Variants in PLA2G6 observed in about 807,000 individuals in gnomAD.
The protein encoded by PLA2G6 is phospholipase A2 group VI, also known as 85/88 kDa calcium-independent phospholipase A2.
Under a neutral mutation model 83.8 loss-of-function variants are expected in PLA2G6, and 62 were observed. The ratio of observed to expected loss-of-function variants is 0.74; its 90% CI spans 0.60 to 0.91. PLA2G6 has a LOEUF of 0.91. Ranked by LOEUF, PLA2G6 falls within the 40% of genes least tolerant of loss-of-function variation. PLA2G6 has a pLI of 0.00. For missense variants in PLA2G6, 944 were observed against 1,102.0 expected, an observed-to-expected ratio of 0.86 and a Z score of 2.03; for synonymous variants, 417 against 449.8, an observed-to-expected ratio of 0.93 and a Z score of 0.92.
chr22:38,164,902 A>C (rs1310527265), intron 2 of PLA2G6, among the ~76,000 whole-genome samples: 6 of 151,946 alleles, frequency 3.9e-5, no homozygotes, highest in Non-Finnish European at 8.8e-5. Context: ...GAGCTGGGAG[A>C]ACACTGCAAT....
intron 2 of PLA2G6, 89 bp downstream of exon 2, chr22:38,169,129 A>G (rs901992867): frequency 2.0e-5 from 21 of 1,046,144 alleles, no homozygotes; most frequent in African/African-American, 4.7e-5. Flanking sequence ...CAGAGACTCA[A>G]AGAAACTGCT....
At chr22:38,115,913 C>A (rs112240186) in intron 13 of PLA2G6, 162 bp downstream of exon 13, 264 of 1,461,544 alleles carry the variant, frequency 1.8e-4, no homozygotes, top group Non-Finnish European at 2.2e-4. Flanking sequence ...AGGGGCCTGA[C>A]AGCTCCCCCG....
At position 38,118,858 on chromosome 22, in the gene PLA2G6, A is replaced by T. The variant is rs1463709627; in HGVS notation, c.1742+1901T>A. 4.6e-5 allele frequency among the ~76,000 whole-genome samples: 7 copies of T among 150,640 alleles called. No homozygotes were observed. The East Asian group carries it at 1.4e-3, about 29-fold the overall frequency. On this transcript the variant is annotated intron_variant, in intron 12 of 16. Coordinates refer to ENST00000332509, the MANE Select transcript of PLA2G6 (RefSeq NM_003560.4). ...AGCCTCAGCCTCCGGGGCTCAAGTG[A>T]TCCTCCCACCTCAGCCTCTCAATTA...
chr22:38,124,625 G>A (rs2087725614), intron 10 of PLA2G6, among the ~76,000 whole-genome samples: 1 of 152,118 alleles, frequency 6.6e-6, no homozygotes, highest in Admixed American at 6.5e-5. Context: ...CCTGGTGGAG[G>A]CTGCTTCCAT....
chr22:38,159,325 C>T (rs1380141488), intron 2 of PLA2G6, among the ~76,000 whole-genome samples: 1 of 152,168 alleles, frequency 6.6e-6, no homozygotes, highest in African/African-American at 2.4e-5. Flanking sequence ...AGATGAAAAT[C>T]TCATAGTCCT....
chr22:38,125,676 G>A (rs1398678452), intron 10 of PLA2G6: 2 of 470,712 alleles, frequency 4.2e-6, no homozygotes, highest in South Asian at 3.1e-5. Flanking sequence ...ACCTCTCAGG[G>A]GCTCAGGTTC....
intron 7 of PLA2G6, chr22:38,131,417 T>C (rs1409927040): frequency 6.6e-6 from 1 of 152,186 alleles, no homozygotes; most frequent in Non-Finnish European, 1.5e-5. Flanking sequence ...AATGAATTAA[T>C]ATTTTGAAAT....
intron 2 of PLA2G6, among the ~76,000 whole-genome samples, chr22:38,155,329 T>G (rs1026472098): frequency 6.6e-6 from 1 of 151,816 alleles, no homozygotes; most frequent in African/African-American, 2.4e-5. Context: ...GAAAAGGACA[T>G]TAATGAGCAA....
intron 2 of PLA2G6, among the ~76,000 whole-genome samples, chr22:38,163,153 C>T (rs1344693822): frequency 3.0e-4 from 45 of 152,314 alleles, no homozygotes; most frequent in Non-Finnish European, 5.9e-5. Context: ...CACGCTAGAG[C>T]AGTACCTGAG....
chr22:38,138,222 C>T (rs1260529161), intron 5 of PLA2G6: 2 of 152,636 alleles, frequency 1.3e-5, no homozygotes, highest in Non-Finnish European at 2.9e-5. Flanking sequence ...AAGAGCATCA[C>T]CTGGTGTCCA....
intron 2 of PLA2G6, among the ~76,000 whole-genome samples, chr22:38,158,466 C>A (rs2089881103): frequency 6.6e-6 from 1 of 152,194 alleles, no homozygotes; most frequent in Non-Finnish European, 1.5e-5. Context: ...CCACTGCAAC[C>A]CGCCACGTCA....
rs758024229 is a variant in PLA2G6, at chr22:38,143,101, T to C, written c.609+4A>G. 4 of 1,613,856 alleles carry C rather than the reference T, an allele frequency of 2.5e-6. No individual in the cohort carries two copies. In the African/African-American group the frequency reaches 5.3e-5, roughly 22 times the overall value. The stretch of plus-strand genomic sequence containing the variant: ...CCAGTCACCCTGCCCCTCCCCCTGC[T>C]CACCTGCAGCACCTGAGAATTGTCA... On this transcript the variant is annotated splice_donor_region_variant and intron_variant, in intron 4 of 16. Transcript: ENST00000332509.
chr22:38,140,696 C>G (rs1252738468), intron 4 of PLA2G6: 1 of 164,850 alleles, frequency 6.1e-6, no homozygotes, highest in East Asian at 1.7e-4. Context: ...TCATTCTGTC[C>G]TGACTGATTT....
chr22:38,146,526 T>C (rs2089268812), intron 2 of PLA2G6: 1 of 152,130 alleles, frequency 6.6e-6, no homozygotes. Context: ...TCTTTGGTAA[T>C]ATCATTTATT....
chr22:38,115,735 C>T, intron 13 of PLA2G6, 54 bp from the exon 14 acceptor site: 1 of 1,551,566 alleles, frequency 6.4e-7, no homozygotes, highest in Non-Finnish European at 8.7e-7. Context: ...GCATAAAACC[C>T]ATGCACTCCA....
intron 14 of PLA2G6, among the ~76,000 whole-genome samples, chr22:38,114,977 C>G (rs2087103130): frequency 1.3e-5 from 2 of 152,164 alleles, no homozygotes; most frequent in Admixed American, 1.3e-4. Flanking sequence ...AGGGCCTCCC[C>G]TAGCATGCTG....
intron 10 of PLA2G6, among the ~76,000 whole-genome samples, chr22:38,125,361 CA>C (rs1012386386): frequency 3.3e-5 from 5 of 152,120 alleles, no homozygotes; most frequent in African/African-American, 1.2e-4. Flanking sequence ...CAAGAGCATG[CA>C]GGGGGCACAG....
chr22:38,148,289 G>A (rs1222524667), intron 2 of PLA2G6: 1 of 528,938 alleles, frequency 1.9e-6, no homozygotes, highest in Admixed American at 3.4e-5. Context: ...ATAAAGGAAA[G>A]GATAGCGAAT....
chr22:38,115,778 TGCGGGAAGAGGGGA>T (rs2087153569), intron 13 of PLA2G6, 97 bp from the exon 14 acceptor site: 2 of 1,499,324 alleles, frequency 1.3e-6, no homozygotes, highest in African/African-American at 2.8e-5. Context: ...GGGCTGGGGG[TGCGGGAAGAGGGGA>T]GGCTGGGAAC....
Sources: gnomAD v4.1 joint callset for allele counts (sites outside exome capture counted in the v4.1 genomes callset) on GRCh38, gnomAD v4.1.1 for gene constraint, MANE v1.5 for transcripts, NCBI Gene and HGNC (gene_info 2026-07-23, HGNC 2026-07-21) for gene names.